MED15: variants seen among roughly 807,000 people sequenced by gnomAD.
MED15 encodes mediator of RNA polymerase II transcription subunit 15.
In MED15, 41 loss-of-function variants were observed where a neutral mutation model predicts 118.7. That is an observed-to-expected ratio of 0.35 (90% confidence interval 0.27 to 0.45). MED15 has a LOEUF of 0.45. Among genes scored for constraint, MED15 ranks in the 20% least tolerant of loss-of-function variants. The pLI is 1.00. For synonymous variants in MED15, 436 were observed against 413.9 expected (o/e 1.05, Z -0.65); for missense variants, 740 against 1,025.5 (o/e 0.72, Z 3.80).
chr22:20,513,557 G>A (rs2054153489), intron 1 of MED15, among the ~76,000 whole-genome samples: 1 of 152,174 alleles, frequency 6.6e-6, no homozygotes. Flanking sequence ...GATTACAGGC[G>A]TGAGCCACTG....
At chr22:20,535,354 C>G (rs2146435959) in intron 1 of MED15, among the ~76,000 whole-genome samples, 1 of 152,198 alleles carries the variant, frequency 6.6e-6, no homozygotes, top group East Asian at 1.9e-4. Flanking sequence ...AGCATTAAAC[C>G]TCCTTTCTGT....
Position 20,582,515 on chromosome 22 carries a change from T to C in MED15, c.1273-96T>C, listed in dbSNP as rs1402202907. On this transcript the variant is annotated intron_variant, in intron 9 of 17. Coordinates refer to ENST00000263205, the MANE Select transcript of MED15 (RefSeq NM_001003891.3). Reference sequence around the variant, plus strand: ...AAGACACAGGTGTGTGGTGAGGCTGTGCGGGAGGATGGGCCTATGCGTGCG... The same window carrying C: ...AAGACACAGGTGTGTGGTGAGGCTGCGCGGGAGGATGGGCCTATGCGTGCG... 8 of 1,518,516 alleles carry C rather than the reference T, an allele frequency of 5.3e-6. 1 individual carries two copies. Among genetic ancestry groups the C allele is most frequent in the Non-Finnish European group, 5.3e-6 (6 of 1,134,392 alleles). The allele number at this position is 1,518,516 out of a possible 1,614,324, so 94.1% of individuals were successfully genotyped here. A position where few individuals can be genotyped will look rare whatever the true frequency, so the allele number is the denominator to read the frequency against.
At chr22:20,573,113 C>T (rs2056719554) in intron 8 of MED15, among the ~76,000 whole-genome samples, 2 of 152,124 alleles carry the variant, frequency 1.3e-5, no homozygotes, top group Non-Finnish European at 2.9e-5. Context: ...GGATTACAGG[C>T]ATGTGCCACC....
chr22:20,568,765 C>T (rs754851612), intron 8 of MED15, 134 bp downstream of exon 8: 4 of 1,420,854 alleles, frequency 2.8e-6, no homozygotes, highest in Admixed American at 2.2e-5. Context: ...CTTCTCTCCC[C>T]CTTGCACTCT....
chr22:20,560,407 GGC>G (rs2056187913), intron 5 of MED15, among the ~76,000 whole-genome samples: 2 of 152,144 alleles, frequency 1.3e-5, no homozygotes, highest in African/African-American at 4.8e-5. Context: ...TGGGACTACA[GGC>G]GCGCGCCACT....
intron 1 of MED15, among the ~76,000 whole-genome samples, chr22:20,533,786 G>A (rs2054945481): frequency 6.6e-6 from 1 of 152,178 alleles, no homozygotes; most frequent in African/African-American, 2.4e-5. Flanking sequence ...CCCAGGACAG[G>A]ACAGGGCCCG....
chr22:20,584,787 G>T (rs2057085398), intron 14 of MED15, 68 bp from the exon 15 acceptor site: 1 of 1,571,154 alleles, frequency 6.4e-7, no homozygotes, highest in East Asian at 2.3e-5. Flanking sequence ...TGGGCCTGGG[G>T]TGTGAAGGCC....
chr22:20,584,760 C>CT (rs1182108798), intron 14 of MED15, 95 bp from the exon 15 acceptor site: 55 of 1,469,816 alleles, frequency 3.7e-5, no homozygotes, highest in Non-Finnish European at 5.1e-5. Flanking sequence ...CCTCGGGAAT[C>CT]TGACTGTGAG....
intron 6 of MED15, 65 bp from the exon 7 acceptor site, chr22:20,566,402 C>T (rs2056439953): frequency 6.3e-7 from 1 of 1,588,908 alleles, no homozygotes; most frequent in Non-Finnish European, 8.6e-7. Flanking sequence ...CAGACTGTCA[C>T]AGGGAGGAGC....
intron 1 of MED15, among the ~76,000 whole-genome samples, chr22:20,511,988 C>CATTTTTT (rs2054083530): frequency 1.1e-5 from 1 of 92,200 alleles, no homozygotes; most frequent in Non-Finnish European, 2.0e-5. Context: ...ACATTCTAAG[C>CATTTTTT]TTTTTTTTTT....
intron 1 of MED15, among the ~76,000 whole-genome samples, chr22:20,517,763 G>A (rs1461190046): frequency 6.6e-6 from 1 of 152,154 alleles, no homozygotes; most frequent in East Asian, 1.9e-4. Context: ...GGGCTGTCCT[G>A]AGGGGACATT....
chr22:20,585,597 G>T (rs981792205), intron 16 of MED15, 131 bp from the exon 17 acceptor site: 2 of 834,722 alleles, frequency 2.4e-6, no homozygotes, highest in African/African-American at 1.7e-5. Context: ...GAGTCAGAGA[G>T]ACCTCCTCCA....
intron 9 of MED15, 77 bp downstream of exon 9, chr22:20,575,309 CATT>C (rs746703271): frequency 3.4e-5 from 52 of 1,522,702 alleles, no homozygotes; most frequent in Non-Finnish European, 4.3e-5. Flanking sequence ...GCGCACCTGT[CATT>C]ATCATCGCCG....
Position 20,568,567 on chromosome 22 carries a change from TGCA to T in MED15, c.1099_1101del (p.Gln367del), listed in dbSNP as rs768410178. On this transcript the variant is annotated inframe_deletion, in exon 8 of 18. Transcript: ENST00000263205. ...CAGCAGCCCCCAGTGCAGCCCCAGG[TGCA>T]GCAGCAGCAGACAGCAGTACAGACA... 6.2e-7 allele frequency: 1 copy of T among 1,613,572 alleles called. No individual in the cohort carries two copies.
rs61109389 is a variant in MED15, at chr22:20,570,746, C to CTTTTT, written c.1152+2141_1152+2145dup. 2.1e-3 allele frequency among the ~76,000 whole-genome samples: 133 copies of CTTTTT among 62,102 alleles called. 5 individuals carry two copies. Among genetic ancestry groups the CTTTTT allele is most frequent in the African/African-American group, 2.7e-3 (37 of 13,694 alleles). 40.7% of individuals were successfully genotyped at this position (62,102 alleles called of 152,430 possible). On this transcript the variant is annotated intron_variant, in intron 8 of 17. Coordinates refer to ENST00000263205, the MANE Select transcript of MED15 (RefSeq NM_001003891.3). ...TTTTCTTTTCTTTCTTTCTTTCTTTCTTTTTTTTTTTTTTTTTTTTTTTTT... is the reference window on the plus strand; with the variant it reads ...TTTTCTTTTCTTTCTTTCTTTCTTTCTTTTTTTTTTTTTTTTTTTTTTTTTTTTTT...
chr22:20,566,450 G>A lies in MED15; in HGVS notation c.691-17G>A, dbSNP rs771346461. On this transcript the variant is annotated splice_polypyrimidine_tract_variant and intron_variant, in intron 6 of 17. Transcript: ENST00000263205. ...GGCAGATGAGTGATAACCGAGTGCT[G>A]CTTGTTCTGTCTCTAGATACAGCAG... is the stretch of plus-strand genomic sequence containing the variant. The A allele has an allele frequency of 1.4e-5, 22 of 1,610,034 alleles. No individual in the cohort carries two copies. The South Asian group carries it at 2.0e-4, about 14-fold the overall frequency.
Position 20,533,550 on chromosome 22 carries a change from T to A in MED15, c.69-3567T>A, listed in dbSNP as rs573858779. 8.9e-4 allele frequency among the ~76,000 whole-genome samples: 135 copies of A among 152,308 alleles called. 1 individual carries two copies. Among genetic ancestry groups the A allele is most frequent in the Non-Finnish European group, 1.6e-3 (110 of 68,020 alleles). On this transcript the variant is annotated intron_variant, in intron 1 of 17. Transcript: ENST00000263205. ...GAGTGACATGGCACAGTGCTGCTGTTCTGAGCGGTAGCCTTGCTGGAGGAG... is the reference window on the plus strand; with the variant it reads ...GAGTGACATGGCACAGTGCTGCTGTACTGAGCGGTAGCCTTGCTGGAGGAG...
Position 20,586,725 on chromosome 22 carries a change from C to G in MED15, c.*21C>G, listed in dbSNP as rs12484193. On this transcript the variant is annotated 3_prime_UTR_variant, in exon 18 of 18. Coordinates refer to ENST00000263205, the MANE Select transcript of MED15 (RefSeq NM_001003891.3). Reference sequence around the variant, plus strand: ...CCTAGCCAAGACTGCAGGGATGGCCCGCAGCCTCATCGGGGCCAAGGACAC... The same window carrying G: ...CCTAGCCAAGACTGCAGGGATGGCCGGCAGCCTCATCGGGGCCAAGGACAC... 1.9e-3 allele frequency: 2,998 copies of G among 1,611,122 alleles called. 5 individuals carry two copies. Among genetic ancestry groups the G allele is most frequent in the Non-Finnish European group, 2.4e-3 (2,869 of 1,179,642 alleles).
At chr22:20,585,982 C>G (rs1346602227) in intron 17 of MED15, among the ~76,000 whole-genome samples, 156 bp downstream of exon 17, 3 of 152,188 alleles carry the variant, frequency 2.0e-5, no homozygotes, top group African/African-American at 7.2e-5. Flanking sequence ...CCTGCACAGA[C>G]AGCAGCGGGT....
Sources: gnomAD v4.1 joint callset for allele counts (sites outside exome capture counted in the v4.1 genomes callset) on GRCh38, gnomAD v4.1.1 for gene constraint, MANE v1.5 for transcripts, NCBI Gene and HGNC (gene_info 2026-07-23, HGNC 2026-07-21) for gene names.